CEP20: variants seen among roughly 807,000 people sequenced by gnomAD.
The protein encoded by CEP20 is FGFR1OP N-terminal like.
In CEP20, 18 loss-of-function variants were observed where a neutral mutation model predicts 20.0. The observed-to-expected ratio is 0.90, with a 90% CI of 0.62 to 1.34. The LOEUF is 1.34. Ranked by LOEUF, CEP20 falls within the 40% of genes most tolerant of loss-of-function variation. The pLI is 0.00. For synonymous variants in CEP20, 77 were observed against 73.7 expected (o/e 1.04, Z -0.23); for missense variants, 215 against 201.6 (o/e 1.07, Z -0.40).
chr16:15,867,501 T>C lies in CEP20; in HGVS notation c.464A>G (p.Lys155Arg). Residue 155 changes from lysine to arginine, a missense_variant, in exon 5 of 5, where the codon AAG becomes AGG. Transcript: ENST00000255759. ...AATGTTAGTACTTTTCTGTTCCTCC[T>C]TTCTTAGGTGGTCATCTGAAATGCA... ...RRKPMDDHLRKEEQKSTNIED... is the reference protein window; with the variant it reads ...RRKPMDDHLRREEQKSTNIED... 6.2e-7 allele frequency: 1 copy of C among 1,604,636 alleles called. No individual in the cohort carries two copies.
chr16:15,881,593 C>A (rs372747479), intron 2 of CEP20, among the ~76,000 whole-genome samples: 3 of 152,278 alleles, frequency 2.0e-5, no homozygotes, highest in East Asian at 3.9e-4. Flanking sequence ...AGAGATGGAA[C>A]CTGAAACGAG....
intron 2 of CEP20, among the ~76,000 whole-genome samples, chr16:15,881,755 G>A (rs1345326183): frequency 6.6e-6 from 1 of 152,052 alleles, no homozygotes; most frequent in Non-Finnish European, 1.5e-5. Flanking sequence ...AAAGTCAGCA[G>A]AAGATATTAA....
chr16:15,886,759 G>A lies in CEP20; in HGVS notation c.28+1799C>T, dbSNP rs181707129. ...TGTAAGGTAACTGGCTGGCAAACAA[G>A]TTTTCACCGGGTTTCTTTTGGAGGT... On this transcript the variant is annotated intron_variant, in intron 1 of 4. Coordinates refer to ENST00000255759, the MANE Select transcript of CEP20 (RefSeq NM_144600.4). Among the ~76,000 whole-genome samples the A allele has an allele frequency of 8.1e-4, 124 of 152,292 alleles. No individual in the cohort carries two copies. The East Asian group carries it at 0.011, about 14-fold the overall frequency.
At position 15,885,315 on chromosome 16, in the gene CEP20, C is replaced by G. The variant is rs191595746; in HGVS notation, c.29-1110G>C. Among the ~76,000 whole-genome samples the G allele has an allele frequency of 2.7e-3, 384 of 144,806 alleles. 3 individuals carry two copies. The highest frequency in any genetic ancestry group is 9.3e-3 in the African/African-American group (360 of 38,780). The allele number at this position is 144,806 out of a possible 152,430, so 95.0% of individuals were successfully genotyped here. On this transcript the variant is annotated intron_variant, in intron 1 of 4. Coordinates refer to ENST00000255759, the MANE Select transcript of CEP20 (RefSeq NM_144600.4). ...AGAGTGAGACTCTGTTTAAAACAAC[C>G]AACCAACCAACCAACCAAAAAAAAA... is the stretch of plus-strand genomic sequence containing the variant.
intron 1 of CEP20, 137 bp downstream of exon 1, chr16:15,888,421 C>G: frequency 8.6e-7 from 1 of 1,169,446 alleles, no homozygotes; most frequent in Admixed American, 2.4e-5. Flanking sequence ...CCAGACGCTC[C>G]CCGCAGGCCC....
At chr16:15,873,361 G>A (rs1322284737) in intron 4 of CEP20, 130 bp downstream of exon 4, 8 of 1,132,910 alleles carry the variant, frequency 7.1e-6, no homozygotes, top group Non-Finnish European at 8.4e-6. Flanking sequence ...GAGTAACATA[G>A]GCTAGACATA....
rs549355359 is a variant in CEP20 at position 15,882,101 on chromosome 16, G to A, written c.226+1907C>T. ...ATGAGAACAGGTCATTTATAAGTGT[G>A]TGGCACTAACCTTCCCCACCCTTGG... On this transcript the variant is annotated intron_variant, in intron 2 of 4. Transcript: ENST00000255759. Among the ~76,000 whole-genome samples, 15 of 152,258 alleles carry A rather than the reference G, an allele frequency of 9.9e-5. No homozygotes were observed. The South Asian group carries it at 3.1e-3, about 32-fold the overall frequency.
chr16:15,872,214 T>C (rs1262615666), intron 4 of CEP20, among the ~76,000 whole-genome samples: 2 of 151,528 alleles, frequency 1.3e-5, no homozygotes, highest in Non-Finnish European at 2.9e-5. Context: ...CTTGGGAGGC[T>C]GAGGCAGGGG....
At chr16:15,869,654 G>A (rs566143590) in intron 4 of CEP20, among the ~76,000 whole-genome samples, 2 of 152,194 alleles carry the variant, frequency 1.3e-5, no homozygotes, top group East Asian at 3.9e-4. Flanking sequence ...TTCAGGGTTT[G>A]ATATTTCTGT....
chr16:15,877,122 G>C (rs914951125), intron 3 of CEP20: 17 of 152,378 alleles, frequency 1.1e-4, no homozygotes, highest in African/African-American at 3.9e-4. Context: ...AAAGTGCTGA[G>C]ATTACAGGCG....
At chr16:15,876,193 G>A (rs2044942958) in intron 3 of CEP20, among the ~76,000 whole-genome samples, 1 of 145,660 alleles carries the variant, frequency 6.9e-6, no homozygotes, top group Non-Finnish European at 1.5e-5. Flanking sequence ...TTAAAGAATT[G>A]AAGTCTTGGG....
intron 1 of CEP20, chr16:15,886,095 C>T (rs959468399): frequency 6.6e-6 from 1 of 152,214 alleles, no homozygotes; most frequent in African/African-American, 2.4e-5. Flanking sequence ...CTGTACACTA[C>T]TGGGAAATCA....
rs1228602748 is a variant in CEP20, at chr16:15,873,602, G to T, written c.337C>A (p.His113Asn). Residue 113 changes from histidine to asparagine, a missense_variant, in exon 4 of 5, where the codon CAT becomes AAT. His to Asn is a moderately conservative substitution (Grantham distance 68). Coordinates refer to ENST00000255759, the MANE Select transcript of CEP20 (RefSeq NM_144600.4). ...CCATCCTTAGTTCCACGCAAGAAATGGGCTAAAATCCCATATAAAAGAGGT... is the reference window on the plus strand; with the variant it reads ...CCATCCTTAGTTCCACGCAAGAAATTGGCTAAAATCCCATATAAAAGAGGT... ...TIPLLYGILAHFLRGTKDGIQ... is the reference protein window; with the variant it reads ...TIPLLYGILANFLRGTKDGIQ... 1 of 1,613,714 alleles carries T rather than the reference G, an allele frequency of 6.2e-7. No individual in the cohort carries two copies. Among genetic ancestry groups the T allele is most frequent in the Non-Finnish European group, 8.5e-7 (1 of 1,179,796 alleles).
chr16:15,872,225 A>C (rs1160832293), intron 4 of CEP20, among the ~76,000 whole-genome samples: 1 of 151,826 alleles, frequency 6.6e-6, no homozygotes, highest in Non-Finnish European at 1.5e-5. Flanking sequence ...GAGGCAGGGG[A>C]ATGGCATGAA....
Position 15,884,102 on chromosome 16 carries a change from T to C in CEP20, c.132A>G (p.Pro44=), listed in dbSNP as rs2045179545. The part of the protein sequence containing the change: ...NALDDDREPR[P]SLSHENLLIN... Reference sequence around the variant, plus strand: ...TTAGAAGGTTTTCATGAGACAATGATGGTCGGGGTTCACGGTCATCATCTA... The same window carrying C: ...TTAGAAGGTTTTCATGAGACAATGACGGTCGGGGTTCACGGTCATCATCTA... Residue 44 remains proline (P), a synonymous_variant, in exon 2 of 5, where the codon CCA becomes CCG. Transcript: ENST00000255759. 1.2e-6 allele frequency: 2 copies of C among 1,614,180 alleles called. No homozygotes were observed. Among genetic ancestry groups the C allele is most frequent in the Non-Finnish European group, 1.7e-6 (2 of 1,180,026 alleles).
chr16:15,883,916 T>A (rs1276899705), intron 2 of CEP20, 92 bp downstream of exon 2: 1 of 1,119,952 alleles, frequency 8.9e-7, no homozygotes, highest in East Asian at 2.5e-5. Context: ...TGGCACTATC[T>A]GGTAAGGGAA....
At chr16:15,888,516 G>T (rs112502876) in intron 1 of CEP20, 42 bp downstream of exon 1, 2 of 1,613,702 alleles carry the variant, frequency 1.2e-6, no homozygotes, top group African/African-American at 1.3e-5. Flanking sequence ...CAAGATGAAG[G>T]CCCGACGCTT....
At chr16:15,870,530 T>A (rs2044788380) in intron 4 of CEP20, among the ~76,000 whole-genome samples, 1 of 152,108 alleles carries the variant, frequency 6.6e-6, no homozygotes, top group African/African-American at 2.4e-5. Flanking sequence ...CACAATACTG[T>A]AATGTGTGGA....
At chr16:15,881,450 T>C (rs1005402739) in intron 2 of CEP20, among the ~76,000 whole-genome samples, 1 of 152,186 alleles carries the variant, frequency 6.6e-6, no homozygotes, top group African/African-American at 2.4e-5. Flanking sequence ...AGTCTTTATG[T>C]AGTTCAGACG....
Sources: gnomAD v4.1 joint callset for allele counts (sites outside exome capture counted in the v4.1 genomes callset) on GRCh38, gnomAD v4.1.1 for gene constraint, MANE v1.5 for transcripts, NCBI Gene and HGNC (gene_info 2026-07-23, HGNC 2026-07-21) for gene names.